EXT1: variants seen among roughly 807,000 people sequenced by gnomAD.
EXT1 encodes exostosin-1.
A neutral mutation model predicts 82.5 loss-of-function variants in EXT1; 20 were observed. That is an observed-to-expected ratio of 0.24 (90% CI 0.17 to 0.35). The LOEUF is 0.35. Ranked by LOEUF, EXT1 falls within the 10% of genes least tolerant of loss-of-function variation. The pLI is 1.00. For missense variants in EXT1, 757 were observed against 936.5 expected (o/e 0.81, Z 2.50); for synonymous variants, 348 against 350.8 (o/e 0.99, Z 0.09).
chr8:117,860,168 A>AT, intron 1 of EXT1, among the ~76,000 whole-genome samples: 1 of 151,408 alleles, frequency 6.6e-6, no homozygotes, highest in Admixed American at 6.6e-5. Context: ...AAAAAAAAAA[A>AT]AATGAAAGAA....
In EXT1 at chr8:118,110,444, A is replaced by G; in HGVS notation, c.603T>C (p.Pro201=). ...LIFNLYSGTW[P]DYTEDVGFDI... ...CAAACCCCACGTCCTCGGTGTAGTCAGGCCAAGTGCCGGAATATAAATTAA... is the reference window on the plus strand; with the variant it reads ...CAAACCCCACGTCCTCGGTGTAGTCGGGCCAAGTGCCGGAATATAAATTAA... The change falls in exon 1 of 11, where the codon CCT becomes CCC. Residue 201 remains proline, a synonymous_variant. Coordinates refer to ENST00000378204, the MANE Select transcript of EXT1 (RefSeq NM_000127.3). The G allele has an allele frequency of 6.2e-7, 1 of 1,614,160 alleles. No individual in the cohort carries two copies. Among genetic ancestry groups the G allele is most frequent in the Non-Finnish European group, 8.5e-7 (1 of 1,180,036 alleles).
rs565208331 is a variant in EXT1 at position 117,970,251 on chromosome 8, G to A, written c.963-133050C>T. On this transcript the variant is annotated intron_variant, in intron 1 of 10. Transcript: ENST00000378204. ...CTCCCAGAGAACCTACACCTGGGCT[G>A]TACCCCCAGAACTTCTGACCTAATT... 4.0e-5 allele frequency among the ~76,000 whole-genome samples: 6 copies of A among 151,860 alleles called. No individual in the cohort carries two copies. In the South Asian group the frequency reaches 1.3e-3, roughly 32 times the overall value.
intron 1 of EXT1, among the ~76,000 whole-genome samples, chr8:118,036,285 C>A (rs1018360264): frequency 6.6e-6 from 1 of 152,028 alleles, no homozygotes; most frequent in Non-Finnish European, 1.5e-5. Context: ...GGCTGTTAGC[C>A]ATTCCAGAAA....
intron 1 of EXT1, among the ~76,000 whole-genome samples, chr8:117,924,571 G>C (rs968069432): frequency 6.6e-6 from 1 of 152,112 alleles, no homozygotes; most frequent in African/African-American, 2.4e-5. Flanking sequence ...GTTCTCCTTG[G>C]TTACATCATC....
At chr8:117,803,480 AG>A (rs1358724165) in intron 10 of EXT1, among the ~76,000 whole-genome samples, 3 of 152,158 alleles carry the variant, frequency 2.0e-5, no homozygotes, top group African/African-American at 4.8e-5. Context: ...TATCAGTATG[AG>A]CCACTGTGCC....
At chr8:118,049,219 T>C (rs2129919925) in intron 1 of EXT1, among the ~76,000 whole-genome samples, 1 of 152,312 alleles carries the variant, frequency 6.6e-6, no homozygotes, top group East Asian at 1.9e-4. Context: ...AATGGGCATA[T>C]CATTCATGGA....
At chr8:117,930,946 C>T (rs1372536618) in intron 1 of EXT1, among the ~76,000 whole-genome samples, 1 of 152,192 alleles carries the variant, frequency 6.6e-6, no homozygotes, top group East Asian at 1.9e-4. Context: ...CATTAGCATG[C>T]TAAAAGACAC....
chr8:117,851,642 CA>C (rs1563579712), intron 1 of EXT1, among the ~76,000 whole-genome samples: 1 of 151,850 alleles, frequency 6.6e-6, no homozygotes, highest in Non-Finnish European at 1.5e-5. Flanking sequence ...CACACACACA[CA>C]CACACACCAT....
At chr8:117,854,463 T>TAC (rs761785254) in intron 1 of EXT1, among the ~76,000 whole-genome samples, 5 of 151,588 alleles carry the variant, frequency 3.3e-5, no homozygotes, top group Non-Finnish European at 4.4e-5. Context: ...CACACACACA[T>TAC]ACACACACAC....
intron 1 of EXT1, among the ~76,000 whole-genome samples, chr8:117,914,336 A>G (rs1410056943): frequency 6.6e-6 from 1 of 152,216 alleles, no homozygotes; most frequent in Non-Finnish European, 1.5e-5. Flanking sequence ...GACCACTGTG[A>G]TAATTGTGTT....
intron 1 of EXT1, among the ~76,000 whole-genome samples, chr8:117,992,438 TAAAAAAAAAAAAA>T (rs142840509): frequency 9.4e-5 from 5 of 53,102 alleles, no homozygotes; most frequent in African/African-American, 1.4e-4. Context: ...TTCAACTAGC[TAAAAAAAAAAAAA>T]AAAAAAAAAA....
At chr8:118,107,294 T>C (rs1358814379) in intron 1 of EXT1, among the ~76,000 whole-genome samples, 2 of 152,150 alleles carry the variant, frequency 1.3e-5, no homozygotes, top group African/African-American at 4.8e-5. Flanking sequence ...GCTTTTTTTT[T>C]CCCATGGACA....
chr8:117,905,705 G>C (rs1340882959), intron 1 of EXT1, among the ~76,000 whole-genome samples: 2 of 151,994 alleles, frequency 1.3e-5, no homozygotes, highest in African/African-American at 2.4e-5. Context: ...CCAGCTACTC[G>C]GGAGGCTGAG....
chr8:117,939,249 C>T (rs1365092327), intron 1 of EXT1, among the ~76,000 whole-genome samples: 1 of 152,150 alleles, frequency 6.6e-6, no homozygotes, highest in East Asian at 1.9e-4. Flanking sequence ...ACAGACAACC[C>T]TATGAAGCAG....
chr8:117,799,986 C>A, intron 10 of EXT1, 89 bp from the exon 11 acceptor site: 3 of 1,403,924 alleles, frequency 2.1e-6, no homozygotes, highest in South Asian at 1.2e-5. Context: ...GGCAAATGAG[C>A]AAGCAGCAAA....
chr8:117,976,923 C>T (rs1269623018), intron 1 of EXT1, among the ~76,000 whole-genome samples: 1 of 151,970 alleles, frequency 6.6e-6, no homozygotes, highest in East Asian at 1.9e-4. Flanking sequence ...GCGTTGGTAT[C>T]CCAAGTTTGA....
At chr8:117,959,300 C>T (rs547612469) in intron 1 of EXT1, among the ~76,000 whole-genome samples, 4 of 152,296 alleles carry the variant, frequency 2.6e-5, no homozygotes, top group Admixed American at 6.5e-5. Flanking sequence ...CACACAAGGC[C>T]GGCCCTGATC....
At chr8:117,917,854 G>A (rs575621542) in intron 1 of EXT1, among the ~76,000 whole-genome samples, 14 of 152,162 alleles carry the variant, frequency 9.2e-5, no homozygotes, top group Non-Finnish European at 2.1e-4. Flanking sequence ...TTCAGGCACT[G>A]CTGACCACCA....
intron 1 of EXT1, among the ~76,000 whole-genome samples, chr8:118,076,036 G>C (rs532088945): frequency 6.6e-6 from 1 of 152,172 alleles, no homozygotes; most frequent in Non-Finnish European, 1.5e-5. Context: ...TTTGGATAGG[G>C]AGTAGATTTA....
Sources: allele counts gnomAD v4.1 joint callset (sites outside exome capture counted in the v4.1 genomes callset), GRCh38; gene constraint gnomAD v4.1.1; transcripts MANE v1.5; gene names NCBI Gene and HGNC (gene_info 2026-07-23, HGNC 2026-07-21).